The following ADAMTSL3 variants were observed in gnomAD, a reference collection of about 807,000 sequenced individuals.
ADAMTSL3 encodes ADAMTS like 3, also known as ADAMTS-like protein 3.
A neutral mutation model predicts 201.7 loss-of-function variants in ADAMTSL3; 128 were observed. The ratio of observed to expected loss-of-function variants is 0.63; its 90% CI spans 0.55 to 0.73. The LOEUF is 0.73. Among genes scored for constraint, ADAMTSL3 ranks in the 30% least tolerant of loss-of-function variants. ADAMTSL3 has a pLI of 0.00. For synonymous variants in ADAMTSL3, 738 were observed against 748.4 expected, an observed-to-expected ratio of 0.99 and a Z score of 0.23; for missense variants, 1,990 against 2,119.6, an observed-to-expected ratio of 0.94 and a Z score of 1.20.
rs770716214 is a variant in ADAMTSL3, at chr15:83,983,186, C to T, written c.3558C>T (p.Pro1186=). 3 of 1,613,766 alleles carry T rather than the reference C, an allele frequency of 1.9e-6. No homozygotes were observed. Among genetic ancestry groups the T allele is most frequent in the African/African-American group, 1.3e-5 (1 of 74,900 alleles). Residue 1186 remains proline (P), a synonymous_variant, in exon 21 of 30, where the codon CCC becomes CCT. Coordinates refer to ENST00000286744, the MANE Select transcript of ADAMTSL3 (RefSeq NM_207517.3). ...TTCTCATGAGGCAAAGCCAACCTCCCTCAATTTCATTTAATAAAACAATAA... is the reference window on the plus strand; with the variant it reads ...TTCTCATGAGGCAAAGCCAACCTCCTTCAATTTCATTTAATAAAACAATAA... ...GPVLMRQSQP[P]SISFNKTINS...
chr15:83,801,669 T>TATAAATATAA (rs1555445612), intron 4 of ADAMTSL3, among the ~76,000 whole-genome samples: 1 of 48,180 alleles, frequency 2.1e-5, no homozygotes, highest in Admixed American at 2.7e-4. Flanking sequence ...TATATATATA[T>TATAAATATAA]ATATATATAT....
intron 3 of ADAMTSL3, among the ~76,000 whole-genome samples, chr15:83,715,736 G>T (rs1430251785): frequency 6.6e-6 from 1 of 152,130 alleles, no homozygotes; most frequent in Admixed American, 6.5e-5. Context: ...ACTGCTGACC[G>T]GTATTAAAGC....
chr15:83,762,023 G>A (rs1339407754), intron 3 of ADAMTSL3, among the ~76,000 whole-genome samples: 2 of 151,902 alleles, frequency 1.3e-5, no homozygotes, highest in African/African-American at 4.8e-5. Context: ...TTTCTTTTGT[G>A]TTAGTGCTTG....
At chr15:83,918,952 T>G (rs1353833557) in intron 16 of ADAMTSL3, among the ~76,000 whole-genome samples, 1 of 151,966 alleles carries the variant, frequency 6.6e-6, no homozygotes, top group Non-Finnish European at 1.5e-5. Context: ...TTGAGAGACA[T>G]GTAGGAGATA....
intron 9 of ADAMTSL3, among the ~76,000 whole-genome samples, chr15:83,871,812 GT>G (rs2065086002): frequency 6.6e-6 from 1 of 152,126 alleles, no homozygotes; most frequent in Non-Finnish European, 1.5e-5. Context: ...TCAGTGTGTG[GT>G]TTTGCCGTAT....
At chr15:83,906,045 A>G (rs1427167222) in intron 15 of ADAMTSL3, among the ~76,000 whole-genome samples, 5 of 152,050 alleles carry the variant, frequency 3.3e-5, no homozygotes. Context: ...CCCTAGCACT[A>G]TCTGTTGAGT....
At chr15:83,726,937 C>T (rs2062185919) in intron 3 of ADAMTSL3, among the ~76,000 whole-genome samples, 1 of 151,382 alleles carries the variant, frequency 6.6e-6, no homozygotes, top group Non-Finnish European at 1.5e-5. Context: ...ATTCTCTCCT[C>T]GATTTTTGAG....
chr15:83,819,678 AAG>A (rs2063827143), intron 5 of ADAMTSL3, 131 bp from the exon 6 acceptor site: 4 of 638,092 alleles, frequency 6.3e-6, no homozygotes, highest in Non-Finnish European at 1.1e-5. Context: ...AAAAAAAAAA[AAG>A]AGGGAATTAG....
chr15:83,744,509 G>A (rs141770783), intron 3 of ADAMTSL3, among the ~76,000 whole-genome samples: 2,421 of 152,236 alleles, frequency 0.016, 30 homozygotes, highest in Non-Finnish European at 0.024. Context: ...TATTCATGAT[G>A]TACAACATGA....
intron 19 of ADAMTSL3, among the ~76,000 whole-genome samples, chr15:83,958,276 T>G (rs1380753395): frequency 6.6e-6 from 1 of 152,160 alleles, no homozygotes; most frequent in Non-Finnish European, 1.5e-5. Context: ...GTGTGATTGG[T>G]TCCAGAGTGT....
At chr15:84,037,079 G>A in intron 29 of ADAMTSL3, 92 bp downstream of exon 29, 1 of 1,333,466 alleles carries the variant, frequency 7.5e-7, no homozygotes, top group Non-Finnish European at 1.0e-6. Context: ...CCCTGCTAGT[G>A]ATTACCTCAT....
intron 3 of ADAMTSL3, among the ~76,000 whole-genome samples, chr15:83,742,758 C>A (rs2062477348): frequency 6.6e-6 from 1 of 152,142 alleles, no homozygotes; most frequent in Admixed American, 6.6e-5. Context: ...TTTTGACTGG[C>A]TGTGTTTATG....
intron 2 of ADAMTSL3, among the ~76,000 whole-genome samples, chr15:83,669,877 C>T (rs1445362151): frequency 6.6e-6 from 1 of 152,088 alleles, no homozygotes; most frequent in Non-Finnish European, 1.5e-5. Flanking sequence ...TCACAACCCT[C>T]ATAAATGAAA....
At chr15:84,006,304 A>G (rs2067893956) in intron 23 of ADAMTSL3, among the ~76,000 whole-genome samples, 1 of 152,242 alleles carries the variant, frequency 6.6e-6, no homozygotes, top group African/African-American at 2.4e-5. Flanking sequence ...CATTTGTCGT[A>G]TATGAAAAAG....
chr15:83,903,242 C>CTTT lies in ADAMTSL3; in HGVS notation c.1700+3524_1700+3526dup, dbSNP rs3044648. ...TTTCTTTTTCTTTCGGCTGCCAGAT[C>CTTT]TTTTTTTTTTTTTTTATCATGGTGA... is the stretch of plus-strand genomic sequence containing the variant. On this transcript the variant is annotated intron_variant, in intron 15 of 29. Transcript: ENST00000286744. Among the ~76,000 whole-genome samples, 263 of 133,460 alleles carry CTTT rather than the reference C, an allele frequency of 2.0e-3. 11 individuals carry two copies. The highest frequency in any genetic ancestry group is 3.8e-3 in the Middle Eastern group (1 of 262). The allele number at this position is 133,460 out of a possible 152,430, so 87.6% of individuals were successfully genotyped here.
chr15:83,886,979 C>T (rs1399040309), intron 10 of ADAMTSL3, among the ~76,000 whole-genome samples: 1 of 152,188 alleles, frequency 6.6e-6, no homozygotes, highest in African/African-American at 2.4e-5. Context: ...GCTAGTTCTT[C>T]CCAGGGCCAG....
intron 3 of ADAMTSL3, among the ~76,000 whole-genome samples, chr15:83,770,249 T>C (rs905751426): frequency 2.6e-5 from 4 of 152,200 alleles, no homozygotes; most frequent in South Asian, 4.1e-4. Context: ...ATTTTTAAAA[T>C]AGAAATTTCA....
At chr15:84,021,677 A>T in intron 26 of ADAMTSL3, 84 bp downstream of exon 26, 1 of 1,448,956 alleles carries the variant, frequency 6.9e-7, no homozygotes, top group Non-Finnish European at 9.3e-7. Context: ...ATAATAATTC[A>T]ATAGCTAAGT....
intron 3 of ADAMTSL3, among the ~76,000 whole-genome samples, chr15:83,734,213 A>G (rs2062333154): frequency 6.6e-6 from 1 of 152,082 alleles, no homozygotes; most frequent in Non-Finnish European, 1.5e-5. Flanking sequence ...TAAAGGGGAA[A>G]AGTCTTTAGC....
Sources: allele counts gnomAD v4.1 joint callset (sites outside exome capture counted in the v4.1 genomes callset), GRCh38; gene constraint gnomAD v4.1.1; transcripts MANE v1.5; gene names NCBI Gene and HGNC (gene_info 2026-07-23, HGNC 2026-07-21).